DOCK3: variants seen among roughly 807,000 people sequenced by gnomAD.
DOCK3 encodes dedicator of cytokinesis 3, also known as dedicator of cytokinesis protein 3.
DOCK3 carries 60 observed loss-of-function variants against 265.6 expected under a neutral mutation model. That is an observed-to-expected ratio of 0.23 (90% confidence interval 0.18 to 0.28). The LOEUF is 0.28. DOCK3 is among the 10% of genes least tolerant of loss of function. DOCK3 has a pLI of 1.00. For missense variants in DOCK3, 1,981 were observed against 2,594.3 expected (o/e 0.76, Z 5.14); for synonymous variants, 881 against 938.0 (o/e 0.94, Z 1.11).
chr3:50,734,947 A>G (rs1325199034), intron 1 of DOCK3, among the ~76,000 whole-genome samples: 1 of 152,144 alleles, frequency 6.6e-6, no homozygotes, highest in Non-Finnish European at 1.5e-5. Context: ...GTGTGTTAGC[A>G]TCCTTTTATT....
At chr3:50,794,678 G>A (rs1200516354) in intron 2 of DOCK3, among the ~76,000 whole-genome samples, 1 of 152,108 alleles carries the variant, frequency 6.6e-6, no homozygotes, top group Non-Finnish European at 1.5e-5. Flanking sequence ...TTGGTTCTTT[G>A]TCTAGCTTGC....
intron 9 of DOCK3, among the ~76,000 whole-genome samples, chr3:51,133,604 A>T (rs984650681): frequency 2.6e-5 from 4 of 152,110 alleles, no homozygotes; most frequent in Non-Finnish European, 4.4e-5. Context: ...TGCTATTGTG[A>T]ATAGTGCCAC....
intron 12 of DOCK3, among the ~76,000 whole-genome samples, chr3:51,197,707 C>T (rs913144591): frequency 1.3e-5 from 2 of 152,116 alleles, no homozygotes; most frequent in Non-Finnish European, 2.9e-5. Context: ...GGGCACTCCG[C>T]AGGCCCCAGG....
intron 5 of DOCK3, among the ~76,000 whole-genome samples, chr3:50,954,186 A>G (rs1490345155): frequency 6.6e-6 from 1 of 152,156 alleles, no homozygotes; most frequent in African/African-American, 2.4e-5. Flanking sequence ...TAAGTACCTT[A>G]TATGAGTAGA....
At chr3:50,978,077 C>T (rs2077535929) in intron 5 of DOCK3, among the ~76,000 whole-genome samples, 1 of 151,994 alleles carries the variant, frequency 6.6e-6, no homozygotes, top group South Asian at 2.1e-4. Flanking sequence ...AACTTCTTTG[C>T]CTTTGGTTTG....
rs1386858004 is a variant in DOCK3, at chr3:51,062,224, C to T, written c.316-2224C>T. Among the ~76,000 whole-genome samples, 4 of 152,276 alleles carry T rather than the reference C, an allele frequency of 2.6e-5. No individual in the cohort carries two copies. In the South Asian group the frequency reaches 8.3e-4, roughly 32 times the overall value. ...TTCTGCTCCAAATCTCCAGTAACTT[C>T]CCATCTTGCTTAGAATAAAAGCCAA... On this transcript the variant is annotated intron_variant, in intron 5 of 52. Coordinates refer to ENST00000266037, the MANE Select transcript of DOCK3 (RefSeq NM_004947.5).
chr3:51,294,049 A>G (rs1194753855), intron 27 of DOCK3, among the ~76,000 whole-genome samples: 4 of 152,220 alleles, frequency 2.6e-5, no homozygotes, highest in Non-Finnish European at 5.9e-5. Flanking sequence ...TCTCAAACTA[A>G]AAATAGAATT....
chr3:51,269,026 C>T (rs528845609), intron 23 of DOCK3, among the ~76,000 whole-genome samples: 20 of 151,846 alleles, frequency 1.3e-4, no homozygotes, highest in Admixed American at 1.2e-3. Flanking sequence ...GATCTGGTCT[C>T]GGCTAAGACC....
At chr3:51,203,766 A>G (rs1439776722) in intron 12 of DOCK3, among the ~76,000 whole-genome samples, 2 of 152,194 alleles carry the variant, frequency 1.3e-5, no homozygotes, top group East Asian at 3.8e-4. Flanking sequence ...TTCAAATTAT[A>G]CTACAAGGCT....
intron 29 of DOCK3, 102 bp downstream of exon 29, chr3:51,312,181 A>C: frequency 9.4e-7 from 1 of 1,059,132 alleles, no homozygotes; most frequent in East Asian, 2.6e-5. Flanking sequence ...CATAGTATCA[A>C]ACAGCTTCCA....
At chr3:51,229,351 T>C (rs1026497133) in intron 18 of DOCK3, among the ~76,000 whole-genome samples, 161 bp from the exon 19 acceptor site, 19 of 152,042 alleles carry the variant, frequency 1.2e-4, no homozygotes, top group African/African-American at 4.1e-4. Context: ...CTCAGGAGGC[T>C]GAGGCAGGAG....
At position 51,381,795 on chromosome 3, in the gene DOCK3, T is replaced by C. The variant is rs1226319000; in HGVS notation, c.*236T>C. ...TTATTTTTTTACATTTCCATTTCTA[T>C]GGGTTTTCCTTTCTTTCCTTTATGC... On this transcript the variant is annotated 3_prime_UTR_variant, in exon 53 of 53. Transcript: ENST00000266037. This position sits in a 1 kb window ranked among gnomAD's most constrained non-coding sequence, Gnocchi z 5.6. The C allele has an allele frequency of 6.3e-6, 3 of 474,636 alleles. No individual in the cohort carries two copies. Among genetic ancestry groups the C allele is most frequent in the Non-Finnish European group, 1.1e-5 (3 of 277,024 alleles). The allele number at this position is 474,636 out of a possible 1,614,324, so 29.4% of individuals were successfully genotyped here. A position where few individuals can be genotyped will look rare whatever the true frequency, so the allele number is the denominator to read the frequency against.
chr3:51,375,043 G>A (rs552715367), intron 50 of DOCK3, among the ~76,000 whole-genome samples: 1 of 152,110 alleles, frequency 6.6e-6, no homozygotes, highest in African/African-American at 2.4e-5. Flanking sequence ...CTACCTGCTG[G>A]GGCTGTTCTA....
chr3:51,108,413 C>A (rs933093857), intron 9 of DOCK3, among the ~76,000 whole-genome samples: 4 of 152,176 alleles, frequency 2.6e-5, no homozygotes, highest in Admixed American at 2.6e-4. Flanking sequence ...AAAGGAAAGA[C>A]CATTGCCAAC....
chr3:50,872,925 T>G (rs1197122644), intron 3 of DOCK3, among the ~76,000 whole-genome samples: 1 of 152,200 alleles, frequency 6.6e-6, no homozygotes, highest in Non-Finnish European at 1.5e-5. Context: ...GGAATCACCT[T>G]CATGGCAGTG....
At chr3:51,033,374 C>T (rs913232260) in intron 5 of DOCK3, among the ~76,000 whole-genome samples, 13 of 152,160 alleles carry the variant, frequency 8.5e-5, no homozygotes, top group African/African-American at 2.9e-4. Context: ...TTGCTATGAC[C>T]TTTAGTCTTA....
At chr3:51,319,395 A>C (rs2083550211) in intron 32 of DOCK3, among the ~76,000 whole-genome samples, 1 of 62,102 alleles carries the variant, frequency 1.6e-5, no homozygotes, top group African/African-American at 5.7e-5. Context: ...ACAACACTTG[A>C]TAAAAAAAAA....
chr3:51,177,395 G>T (rs1276829034), intron 12 of DOCK3, among the ~76,000 whole-genome samples: 1 of 152,002 alleles, frequency 6.6e-6, no homozygotes, highest in Non-Finnish European at 1.5e-5. Context: ...AATAATATAG[G>T]CATAAATTAG....
At chr3:50,950,642 A>C (rs142240906) in intron 5 of DOCK3, among the ~76,000 whole-genome samples, 4 of 152,040 alleles carry the variant, frequency 2.6e-5, no homozygotes, top group Non-Finnish European at 5.9e-5. Flanking sequence ...TCCTAATTCT[A>C]GGAGAGTACC....
Sources: gnomAD v4.1 joint callset for allele counts (sites outside exome capture counted in the v4.1 genomes callset) on GRCh38, gnomAD v4.1.1 for gene constraint, Gnocchi (gnomAD v3.1) non-coding constraint, MANE v1.5 for transcripts, NCBI Gene and HGNC (gene_info 2026-07-23, HGNC 2026-07-21) for gene names.